CWC27: variants seen among roughly 807,000 people sequenced by gnomAD.
The protein encoded by CWC27 is CWC27 spliceosome associated cyclophilin.
CWC27 carries 47 observed loss-of-function variants against 63.6 expected under a neutral mutation model. That is an observed-to-expected ratio of 0.74 (90% confidence interval 0.58 to 0.94). The LOEUF (loss-of-function observed/expected upper bound fraction) is 0.94. CWC27 is among the 40% of genes least tolerant of loss of function. The pLI is 0.00. For synonymous variants in CWC27, 175 were observed against 179.8 expected (o/e 0.97, Z 0.22); for missense variants, 495 against 554.3 (o/e 0.89, Z 1.07).
intron 10 of CWC27, chr5:64,808,225 A>G: frequency 9.9e-7 from 1 of 1,009,258 alleles, no homozygotes; most frequent in Non-Finnish European, 1.2e-6. Context: ...TGTGTGCATT[A>G]GTTTGAGAAG....
At chr5:64,801,192 A>G in intron 8 of CWC27, 110 bp from the exon 9 acceptor site, 1 of 990,642 alleles carries the variant, frequency 1.0e-6, no homozygotes, top group Non-Finnish European at 1.4e-6. Flanking sequence ...ATGTTGAAAT[A>G]CATTTTTGGA....
intron 7 of CWC27, among the ~76,000 whole-genome samples, chr5:64,797,898 T>C (rs1744336515): frequency 6.6e-6 from 1 of 152,180 alleles, no homozygotes; most frequent in East Asian, 1.9e-4. Flanking sequence ...CTAATCTTGC[T>C]TTTGCTATTT....
chr5:64,778,166 T>C (rs1411471409), intron 2 of CWC27, among the ~76,000 whole-genome samples: 1 of 152,228 alleles, frequency 6.6e-6, no homozygotes, highest in African/African-American at 2.4e-5. Flanking sequence ...CTGGGTTTTA[T>C]GGATCTTGCT....
intron 10 of CWC27, among the ~76,000 whole-genome samples, chr5:64,813,832 G>A (rs567605442): frequency 2.0e-5 from 3 of 152,168 alleles, no homozygotes; most frequent in Admixed American, 6.6e-5. Flanking sequence ...CACTGAAGAA[G>A]TAAAGTTCTT....
chr5:64,863,415 C>G (rs536013611), intron 10 of CWC27, among the ~76,000 whole-genome samples: 2 of 151,946 alleles, frequency 1.3e-5, no homozygotes, highest in African/African-American at 4.8e-5. Flanking sequence ...CTGTTCTCCC[C>G]TACTCTGCCC....
At chr5:64,977,089 A>G (rs372429524) in intron 12 of CWC27, 46 bp from the exon 13 acceptor site, 23 of 1,141,268 alleles carry the variant, frequency 2.0e-5, no homozygotes, top group Non-Finnish European at 2.4e-5. Context: ...TTTTAAAATT[A>G]TATTTATCTT....
intron 13 of CWC27, among the ~76,000 whole-genome samples, chr5:65,005,839 A>G (rs998178248): frequency 1.3e-5 from 2 of 152,246 alleles, no homozygotes; most frequent in Non-Finnish European, 2.9e-5. Context: ...TAGTTATAAA[A>G]TATAGAAATA....
At chr5:65,010,663 A>G (rs1019192918) in intron 13 of CWC27, among the ~76,000 whole-genome samples, 11 of 152,196 alleles carry the variant, frequency 7.2e-5, no homozygotes, top group African/African-American at 2.7e-4. Context: ...TCCGAGGACA[A>G]TATATGTACT....
At chr5:64,883,778 A>G (rs1348975527) in intron 10 of CWC27, among the ~76,000 whole-genome samples, 1 of 152,214 alleles carries the variant, frequency 6.6e-6, no homozygotes, top group Non-Finnish European at 1.5e-5. Flanking sequence ...TCAAGAATGG[A>G]GTCCATTTGT....
Position 64,921,390 on chromosome 5 carries a change from G to A in CWC27, c.1042+35844G>A, listed in dbSNP as rs77709550. On this transcript the variant is annotated intron_variant, in intron 11 of 13. Transcript: ENST00000381070. ...CTTAGTGTAGCTCCCATGTGCAGAT[G>A]AGAAGAATGTATATTCTGGTCTTGT... Among the ~76,000 whole-genome samples the A allele has an allele frequency of 4.3e-3, 655 of 152,226 alleles. 3 individuals are homozygous for A. The highest frequency in any genetic ancestry group is 0.014 in the African/African-American group (575 of 41,540).
chr5:64,872,547 C>CTCATTT (rs1746696830), intron 10 of CWC27, among the ~76,000 whole-genome samples: 1 of 152,120 alleles, frequency 6.6e-6, no homozygotes, highest in Non-Finnish European at 1.5e-5. Context: ...AAACTTCCAC[C>CTCATTT]TCATTTTTTT....
intron 13 of CWC27, among the ~76,000 whole-genome samples, chr5:64,992,395 G>A (rs758529626): frequency 1.3e-5 from 2 of 152,164 alleles, no homozygotes; most frequent in East Asian, 1.9e-4. Context: ...ATTCTAACCC[G>A]AAGTACTAAT....
intron 10 of CWC27, among the ~76,000 whole-genome samples, chr5:64,881,766 A>G (rs1379502837): frequency 2.0e-5 from 3 of 152,256 alleles, no homozygotes; most frequent in African/African-American, 7.2e-5. Flanking sequence ...AACAGTCTAT[A>G]CTTTCTTTGC....
intron 11 of CWC27, among the ~76,000 whole-genome samples, chr5:64,902,707 A>G (rs1747536493): frequency 6.6e-6 from 1 of 152,204 alleles, no homozygotes; most frequent in African/African-American, 2.4e-5. Context: ...CGTCATATGC[A>G]TGTCCATGTG....
chr5:64,926,831 T>C (rs1291880875), intron 11 of CWC27, among the ~76,000 whole-genome samples: 1 of 152,176 alleles, frequency 6.6e-6, no homozygotes, highest in Non-Finnish European at 1.5e-5. Context: ...GCCCTGAAAA[T>C]CAAGAAGCAT....
chr5:64,940,842 C>CTTTTTTTT (rs70983655), intron 11 of CWC27, among the ~76,000 whole-genome samples: 146 of 64,956 alleles, frequency 2.2e-3, no homozygotes, highest in Non-Finnish European at 2.8e-3. Flanking sequence ...TTCTTTCTTT[C>CTTTTTTTT]TTTTTTTTTT....
At chr5:64,791,875 G>A (rs1283174855) in intron 7 of CWC27, among the ~76,000 whole-genome samples, 1 of 151,830 alleles carries the variant, frequency 6.6e-6, no homozygotes, top group Non-Finnish European at 1.5e-5. Flanking sequence ...TTTTTTCATT[G>A]CACTGTCCTG....
At chr5:64,783,762 G>C in intron 3 of CWC27, 74 bp from the exon 4 acceptor site, 1 of 1,266,236 alleles carries the variant, frequency 7.9e-7, no homozygotes. Flanking sequence ...ATGGGACCTT[G>C]CAGGTCAAGT....
intron 11 of CWC27, among the ~76,000 whole-genome samples, chr5:64,962,864 T>C (rs1300374666): frequency 6.6e-6 from 1 of 152,082 alleles, no homozygotes; most frequent in African/African-American, 2.4e-5. Flanking sequence ...AACACATAAA[T>C]AAATGACCAC....
Sources: gnomAD v4.1 joint callset for allele counts (sites outside exome capture counted in the v4.1 genomes callset) on GRCh38, gnomAD v4.1.1 for gene constraint, MANE v1.5 for transcripts, NCBI Gene and HGNC (gene_info 2026-07-23, HGNC 2026-07-21) for gene names.